SLF2: variants seen among roughly 807,000 people sequenced by gnomAD.
SLF2 encodes the protein SMC5/6 complex localization factor 2.
A neutral mutation model predicts 124.3 loss-of-function variants in SLF2; 68 were observed. The observed-to-expected ratio is 0.55, with a 90% CI of 0.45 to 0.67. The LOEUF is 0.67. SLF2 is among the 30% of genes least tolerant of loss of function. The pLI, the probability that SLF2 is intolerant of heterozygous loss-of-function variation, is 0.00. For missense variants in SLF2, 1,246 were observed against 1,373.7 expected (o/e 0.91, Z 1.47); for synonymous variants, 480 against 478.8 (o/e 1.00, Z -0.03).
Position 100,964,058 on chromosome 10 carries a change from C to T in SLF2, c.*2146C>T, listed in dbSNP as rs1850470289. 6.6e-6 allele frequency: 1 copy of T among 152,564 alleles called. No homozygotes were observed. Among genetic ancestry groups the T allele is most frequent in the African/African-American group, 2.4e-5 (1 of 41,432 alleles). 9.5% of individuals were successfully genotyped at this position (152,564 alleles called of 1,614,324 possible). On this transcript the variant is annotated 3_prime_UTR_variant, in exon 20 of 20. Coordinates refer to ENST00000238961, the MANE Select transcript of SLF2 (RefSeq NM_018121.4). ...ATTTGCATTTGGGTTCTCATGAAAA[C>T]TTTGTGACTCTCTTTTAGCACAAGT...
intron 17 of SLF2, 28 bp downstream of exon 17, chr10:100,950,781 T>C (rs749848853): frequency 2.6e-6 from 4 of 1,557,146 alleles, no homozygotes; most frequent in Non-Finnish European, 3.5e-6. Flanking sequence ...TTGTTGCTGC[T>C]GTTTTTAAAT....
rs756447299 is a variant in SLF2 at position 100,916,039 on chromosome 10, C to T, written c.181C>T (p.Gln61Ter). ...IIDFFKPASK[Q>*]DRHMLDSPQK... ...AGATTTCTTCAAACCAGCTTCAAAACAAGGTATGTACACTGTTGATGCATT... is the reference window on the plus strand; with the variant it reads ...AGATTTCTTCAAACCAGCTTCAAAATAAGGTATGTACACTGTTGATGCATT... Residue 61 changes from glutamine to a stop codon, truncating the protein, a stop_gained, in exon 2 of 20, where the codon CAA becomes TAA. Transcript: ENST00000238961. LOFTEE classifies it high-confidence loss of function. The T allele has an allele frequency of 3.1e-6, 5 of 1,611,852 alleles. No homozygotes were observed. Among genetic ancestry groups the T allele is most frequent in the South Asian group, 1.1e-5 (1 of 90,980 alleles).
intron 8 of SLF2, 122 bp downstream of exon 8, chr10:100,930,119 C>T (rs914694667): frequency 1.1e-5 from 6 of 569,986 alleles, no homozygotes; most frequent in East Asian, 3.1e-5. Flanking sequence ...TCCTAATCCT[C>T]TTATTACTAT....
intron 9 of SLF2, among the ~76,000 whole-genome samples, chr10:100,934,679 C>G (rs1849810212): frequency 6.6e-6 from 1 of 152,046 alleles, no homozygotes. Context: ...GTGGCACGAT[C>G]TCTTCTCACT....
In SLF2 at chr10:100,929,980, A is replaced by G; in HGVS notation, c.2316A>G (p.Val772=). 1 of 1,527,790 alleles carries G rather than the reference A, an allele frequency of 6.5e-7. No individual in the cohort carries two copies. Among genetic ancestry groups the G allele is most frequent in the Non-Finnish European group, 8.8e-7 (1 of 1,139,148 alleles). The allele number at this position is 1,527,790 out of a possible 1,614,324, so 94.6% of individuals were successfully genotyped here. The part of the protein sequence containing the change: ...RDSGFIGQSA[V]EKLILKSGKT... The stretch of plus-strand genomic sequence containing the variant: ...CTGGTTTTATTGGACAAAGTGCTGT[A>G]GAAAAACTTATTCTTAAGTAAGTAG... Residue 772 remains valine (V), a synonymous_variant, in exon 8 of 20, where the codon GTA becomes GTG. Coordinates refer to ENST00000238961, the MANE Select transcript of SLF2 (RefSeq NM_018121.4).
intron 2 of SLF2, among the ~76,000 whole-genome samples, chr10:100,916,305 A>C (rs1158916966): frequency 2.6e-5 from 4 of 152,232 alleles, no homozygotes; most frequent in South Asian, 2.1e-4. Context: ...TTGATTCTCT[A>C]ATACAGTAAT....
chr10:100,933,480 C>T (rs994489314), intron 9 of SLF2, among the ~76,000 whole-genome samples: 2 of 152,092 alleles, frequency 1.3e-5, no homozygotes, highest in East Asian at 3.9e-4. Flanking sequence ...TGCTATACTC[C>T]TAACCAGTAT....
chr10:100,925,376 T>C (rs1849595536), intron 5 of SLF2, among the ~76,000 whole-genome samples: 2 of 152,112 alleles, frequency 1.3e-5, no homozygotes, highest in Non-Finnish European at 2.9e-5. Context: ...TCTACTGGAG[T>C]CTCTATAGAA....
In SLF2 at chr10:100,917,030, C is replaced by G. The variant is rs532419131; in HGVS notation, c.645C>G (p.Ser215Arg). The change falls in exon 3 of 20, where the codon AGC (serine) becomes AGG (arginine). Residue 215 changes from serine (S) to arginine (R), a missense_variant. By Grantham distance (110) the Ser-to-Arg change is moderately radical. Around this residue, in one of 3 missense-constraint regions of SLF2, gnomAD observed 698 missense variants for 708.9 expected, o/e 0.98. Transcript: ENST00000238961. ...EADIFNNSSR[S>R]LSSRSSLSRH... is the part of the protein sequence containing the mutation. Reference sequence around the variant, plus strand: ...ACATCTTCAATAACAGCTCCAGAAGCCTTAGCAGCAGGAGCAGCCTGTCCA... The same window carrying G: ...ACATCTTCAATAACAGCTCCAGAAGGCTTAGCAGCAGGAGCAGCCTGTCCA... 6.2e-7 allele frequency: 1 copy of G among 1,614,138 alleles called. No individual in the cohort carries two copies. The highest frequency in any genetic ancestry group is 1.3e-5 in the African/African-American group (1 of 75,012).
At chr10:100,923,372 C>T (rs1483550732) in intron 4 of SLF2, among the ~76,000 whole-genome samples, 1 of 152,130 alleles carries the variant, frequency 6.6e-6, no homozygotes, top group South Asian at 2.1e-4. Flanking sequence ...TCTTGACTTA[C>T]AGCTGCATCA....
At chr10:100,940,616 C>G (rs1387617376) in intron 11 of SLF2, among the ~76,000 whole-genome samples, 3 of 152,122 alleles carry the variant, frequency 2.0e-5, no homozygotes, top group African/African-American at 7.2e-5. Flanking sequence ...CCGGCCTCAG[C>G]TTCCCAAACT....
intron 19 of SLF2, among the ~76,000 whole-genome samples, 169 bp from the exon 20 acceptor site, chr10:100,961,708 A>G (rs1434115522): frequency 6.6e-6 from 1 of 152,202 alleles, no homozygotes; most frequent in Admixed American, 6.5e-5. Context: ...TTGACTACTG[A>G]ATGTGAAATT....
rs2133749703 is a variant in SLF2 at position 100,916,808 on chromosome 10, A to G, written c.423A>G (p.Lys141=). 1 of 1,614,048 alleles carries G rather than the reference A, an allele frequency of 6.2e-7. No homozygotes were observed. The highest frequency in any genetic ancestry group is 1.1e-5 in the South Asian group (1 of 91,072). ...GGCCTTGTCTGTCACTAGCCTCCAA[A>G]TATTTAGCCAAAGGAACAAATATCT... ...SRRPCLSLAS[K]YLAKGTNIYV... is the part of the protein sequence containing the mutation. The change falls in exon 3 of 20, where the codon AAA becomes AAG. Residue 141 remains lysine, a synonymous_variant. Coordinates refer to ENST00000238961, the MANE Select transcript of SLF2 (RefSeq NM_018121.4).
intron 17 of SLF2, among the ~76,000 whole-genome samples, chr10:100,954,841 C>CT (rs1293986312): frequency 1.3e-5 from 2 of 152,018 alleles, no homozygotes; most frequent in African/African-American, 4.8e-5. Flanking sequence ...ACCCAGAAGA[C>CT]TGACTGAGAT....
intron 1 of SLF2, chr10:100,913,658 C>T: frequency 9.8e-7 from 1 of 1,025,072 alleles, no homozygotes; most frequent in Non-Finnish European, 1.2e-6. Flanking sequence ...AATTATGTAA[C>T]CTGTGATGAG....
At position 100,933,008 on chromosome 10, in the gene SLF2, C is replaced by A. The variant is rs1249566531; in HGVS notation, c.2436+1930C>A. On this transcript the variant is annotated intron_variant, in intron 9 of 19. Coordinates refer to ENST00000238961, the MANE Select transcript of SLF2 (RefSeq NM_018121.4). ...AGCAGTTTTCAGTGAGACTCTTGCC[C>A]ATCTGAAGAAACCTACAAATTTCTA... Among the ~76,000 whole-genome samples, 2 of 152,050 alleles carry A rather than the reference C, an allele frequency of 1.3e-5. 1 individual carries two copies. Among genetic ancestry groups the A allele is most frequent in the Non-Finnish European group, 2.9e-5 (2 of 68,018 alleles).
intron 8 of SLF2, 123 bp downstream of exon 8, chr10:100,930,120 TTATTAC>T: frequency 8.9e-6 from 5 of 562,558 alleles, no homozygotes; most frequent in Non-Finnish European, 1.5e-5. Flanking sequence ...CCTAATCCTC[TTATTAC>T]TATTGATCTT....
In SLF2 at chr10:100,924,083, T is replaced by C. The variant is rs1237440083; in HGVS notation, c.1082T>C (p.Leu361Pro). The stretch of plus-strand genomic sequence containing the variant: ...ATACCAAAAGCAAGAGAGTCCTTCC[T>C]TGAGAAGCGTCCTGATGGACCACAT... ...SMIPKARESF[L>P]EKRPDGPHQK... The change falls in exon 5 of 20, where the codon CTT (leucine) becomes CCT (proline). Residue 361 changes from leucine (L) to proline (P), a missense_variant. This residue lies in a region of SLF2 where 698 missense variants were observed against 708.9 expected (regional missense o/e 0.98). Coordinates refer to ENST00000238961, the MANE Select transcript of SLF2 (RefSeq NM_018121.4). 4 of 1,613,204 alleles carry C rather than the reference T, an allele frequency of 2.5e-6. No homozygotes were observed. Among genetic ancestry groups the C allele is most frequent in the African/African-American group, 1.3e-5 (1 of 74,938 alleles).
Position 100,929,444 on chromosome 10 carries a change from A to G in SLF2, c.2165+5A>G. On this transcript the variant is annotated splice_donor_5th_base_variant and intron_variant, in intron 7 of 19. Transcript: ENST00000238961. ...TGGCCTCTTAGAAGAGCACAAGTATAGCATTTTTCATAATGTATTTTACCT... is the reference window on the plus strand; with the variant it reads ...TGGCCTCTTAGAAGAGCACAAGTATGGCATTTTTCATAATGTATTTTACCT... 6.3e-7 allele frequency: 1 copy of G among 1,578,428 alleles called. No homozygotes were observed. Among genetic ancestry groups the G allele is most frequent in the South Asian group, 1.2e-5 (1 of 84,610 alleles).
Sources: gnomAD v4.1 joint callset for allele counts (sites outside exome capture counted in the v4.1 genomes callset) on GRCh38, gnomAD v4.1.1 for gene constraint, gnomAD v4.1.1 regional missense constraint, MANE v1.5 for transcripts, NCBI Gene and HGNC (gene_info 2026-07-23, HGNC 2026-07-21) for gene names.